DLG1: variants seen among roughly 807,000 people sequenced by gnomAD.
DLG1 encodes the protein discs large MAGUK scaffold protein 1, also known as disks large homolog 1.
Under a neutral mutation model 123.4 loss-of-function variants are expected in DLG1, and 42 were observed. The observed-to-expected ratio is 0.34, with a 90% confidence interval of 0.27 to 0.44. DLG1 has a LOEUF of 0.44. Among genes scored for constraint, DLG1 ranks in the 20% least tolerant of loss-of-function variants. The pLI is 1.00. For missense variants in DLG1, 942 were observed against 1,082.6 expected (o/e 0.87, Z 1.82); for synonymous variants, 317 against 356.2 (o/e 0.89, Z 1.24).
chr3:197,121,582 T>C (rs1173002199), intron 11 of DLG1, among the ~76,000 whole-genome samples: 1 of 152,068 alleles, frequency 6.6e-6, no homozygotes, highest in African/African-American at 2.4e-5. Flanking sequence ...GACTTCTTTT[T>C]TTTCCTACTT....
intron 15 of DLG1, among the ~76,000 whole-genome samples, chr3:197,087,639 G>T (rs1755200376): frequency 6.6e-6 from 1 of 152,198 alleles, no homozygotes; most frequent in South Asian, 2.1e-4. Flanking sequence ...GGGGAAGAGA[G>T]ATTTTAACAC....
At chr3:197,279,078 T>C (rs1318274189) in intron 4 of DLG1, among the ~76,000 whole-genome samples, 2 of 152,256 alleles carry the variant, frequency 1.3e-5, no homozygotes, top group African/African-American at 4.8e-5. Flanking sequence ...AAGTCCCTTT[T>C]TAGTCCTAAA....
intron 4 of DLG1, among the ~76,000 whole-genome samples, chr3:197,242,145 T>C (rs960477540): frequency 4.6e-5 from 7 of 152,096 alleles, no homozygotes; most frequent in African/African-American, 1.2e-4. Flanking sequence ...GGAGCAACTA[T>C]GCTTCTATCA....
At chr3:197,207,337 A>G (rs1025082240) in intron 4 of DLG1, among the ~76,000 whole-genome samples, 1 of 152,250 alleles carries the variant, frequency 6.6e-6, no homozygotes, top group African/African-American at 2.4e-5. Flanking sequence ...GCCCAGGAAT[A>G]AAACCAAAGT....
intron 18 of DLG1, among the ~76,000 whole-genome samples, chr3:197,074,149 A>T (rs1408103836): frequency 1.3e-5 from 2 of 152,136 alleles, no homozygotes; most frequent in East Asian, 1.9e-4. Context: ...CCAGTTTTAG[A>T]ATTTTACTGA....
intron 11 of DLG1, among the ~76,000 whole-genome samples, chr3:197,120,490 G>A (rs966189075): frequency 6.6e-6 from 1 of 152,080 alleles, no homozygotes; most frequent in Non-Finnish European, 1.5e-5. Flanking sequence ...AAACACAGAG[G>A]AAGCAATATT....
chr3:197,054,589 GTTTT>G (rs1166126295), intron 23 of DLG1, among the ~76,000 whole-genome samples: 1 of 151,892 alleles, frequency 6.6e-6, no homozygotes, highest in Non-Finnish European at 1.5e-5. Flanking sequence ...TTATTTTTAG[GTTTT>G]TTATTTCTTT....
At position 197,130,568 on chromosome 3, in the gene DLG1, A is replaced by G. The variant is rs748348666; in HGVS notation, c.1124T>C (p.Met375Thr). 1.9e-6 allele frequency: 3 copies of G among 1,612,840 alleles called. No individual in the cohort carries two copies. The African/African-American group carries it at 4.0e-5, about 22-fold the overall frequency. ...VYLKVAKPTS[M>T]YMNDGYAPPD... ...TGGTGCATAGCCATCATTCATATAC[A>G]TACTTGTGGGTTTTGCCACTTTCAA... The change falls in exon 11 of 25, where the codon ATG becomes ACG. Residue 375 changes from methionine (M) to threonine (T), a missense_variant. Coordinates refer to ENST00000667157, the MANE Select transcript of DLG1 (RefSeq NM_001366207.1).
intron 4 of DLG1, among the ~76,000 whole-genome samples, chr3:197,275,278 TAAAG>T (rs1221071723): frequency 2.0e-5 from 3 of 152,092 alleles, no homozygotes; most frequent in Non-Finnish European, 2.9e-5. Flanking sequence ...GCTACGGATG[TAAAG>T]AAAGGGACAC....
In DLG1 at chr3:197,138,314, T is replaced by G; in HGVS notation, c.791A>C (p.Lys264Thr). Reference protein sequence around the residue: ...VTHSKAVEALKEAGSIVRLYV... With the variant: ...VTHSKAVEALTEAGSIVRLYV... ...CAAGCGTACAATAGACCCTGCTTCTTTCAACGCTTCAACTGCTTTGCTATG... is the reference window on the plus strand; with the variant it reads ...CAAGCGTACAATAGACCCTGCTTCTGTCAACGCTTCAACTGCTTTGCTATG... The change falls in exon 9 of 25, where the codon AAA (lysine) becomes ACA (threonine). Residue 264 changes from lysine to threonine, a missense_variant. Transcript: ENST00000667157. 1 of 1,603,074 alleles carries G rather than the reference T, an allele frequency of 6.2e-7. No individual in the cohort carries two copies. Among genetic ancestry groups the G allele is most frequent in the African/African-American group, 1.3e-5 (1 of 74,900 alleles).
intron 3 of DLG1, among the ~76,000 whole-genome samples, chr3:197,288,743 A>AAAAAAAAAAAACATACATAC: frequency 1.4e-5 from 1 of 72,078 alleles, no homozygotes; most frequent in Non-Finnish European, 2.4e-5. Flanking sequence ...AAAAAAAAAA[A>AAAAAAAAAAAACATACATAC]ATACATACAT....
At chr3:197,116,954 C>G (rs909555833) in intron 12 of DLG1, among the ~76,000 whole-genome samples, 3 of 151,988 alleles carry the variant, frequency 2.0e-5, no homozygotes, top group South Asian at 2.1e-4. Context: ...TCCCATTATG[C>G]TTTAAAATAT....
intron 1 of DLG1, chr3:197,297,648 G>T (rs1295455884): frequency 4.0e-6 from 4 of 994,924 alleles, no homozygotes; most frequent in African/African-American, 3.5e-5. Flanking sequence ...CGCCCGCCCT[G>T]CTCGGGCCCC....
At chr3:197,127,316 G>C (rs984924546) in intron 11 of DLG1, among the ~76,000 whole-genome samples, 5 of 148,292 alleles carry the variant, frequency 3.4e-5, no homozygotes, top group African/African-American at 1.2e-4. Context: ...CCTGCTACTA[G>C]GGGGGCTGAG....
chr3:197,186,370 G>A (rs1419981476), intron 5 of DLG1, among the ~76,000 whole-genome samples: 1 of 152,086 alleles, frequency 6.6e-6, no homozygotes, highest in Non-Finnish European at 1.5e-5. Flanking sequence ...TTAAAATAAT[G>A]GATGAAAAGA....
At position 197,091,439 on chromosome 3, in the gene DLG1, T is replaced by A. The variant is rs567156200; in HGVS notation, c.1547-413A>T. Among the ~76,000 whole-genome samples the A allele has an allele frequency of 4.6e-5, 7 of 152,112 alleles. No homozygotes were observed. In the East Asian group the frequency reaches 1.3e-3, roughly 29 times the overall value. ...ACTAGATGCTTTGATTATTGACTTT[T>A]TCCCCTTGAGACAATCAGTTCATTT... On this transcript the variant is annotated intron_variant, in intron 14 of 24. Transcript: ENST00000667157.
At chr3:197,071,126 C>T (rs1743631559) in intron 18 of DLG1, 1 of 151,956 alleles carries the variant, frequency 6.6e-6, no homozygotes, top group African/African-American at 2.4e-5. Context: ...AAACACGCCA[C>T]ATTAAAAAAA....
At chr3:197,262,679 G>C (rs756234957) in intron 4 of DLG1, among the ~76,000 whole-genome samples, 1 of 152,128 alleles carries the variant, frequency 6.6e-6, no homozygotes, top group Non-Finnish European at 1.5e-5. Flanking sequence ...GACACTGCCA[G>C]AACTGTATTT....
intron 24 of DLG1, among the ~76,000 whole-genome samples, chr3:197,048,244 G>T (rs1269678707): frequency 6.6e-6 from 1 of 152,182 alleles, no homozygotes; most frequent in Non-Finnish European, 1.5e-5. Context: ...GCTGAGACGG[G>T]CAGATCACTT....
Sources: gnomAD v4.1 joint callset for allele counts (sites outside exome capture counted in the v4.1 genomes callset) on GRCh38, gnomAD v4.1.1 for gene constraint, MANE v1.5 for transcripts, NCBI Gene and HGNC (gene_info 2026-07-23, HGNC 2026-07-21) for gene names.